DPH6: variants seen among roughly 807,000 people sequenced by gnomAD.
The protein encoded by DPH6 is diphthine--ammonia ligase.
In DPH6, 33 loss-of-function variants were observed where a neutral mutation model predicts 38.2. That is an observed-to-expected ratio of 0.86 (90% CI 0.65 to 1.15). The LOEUF (loss-of-function observed/expected upper bound fraction) is 1.15, where lower values mean the gene tolerates loss of function less well. DPH6 is among the 50% of genes most tolerant of loss of function. DPH6 has a pLI of 0.00. For missense variants in DPH6, 325 were observed against 320.0 expected, an observed-to-expected ratio of 1.02 and a Z score of -0.12; for synonymous variants, 108 against 103.0, an observed-to-expected ratio of 1.05 and a Z score of -0.30.
the DPH6 span, among the ~76,000 whole-genome samples, chr15:35,202,592 A>G: frequency 4.6e-5 from 7 of 151,820 alleles, no homozygotes; most frequent in Non-Finnish European, 3.0e-5. Context: ...CTTCCAAGAC[A>G]GTGTAAACGA....
At chr15:35,260,538 T>TCTAATAATATCTAATAATATTATC (rs2051739776) in intron 3 of DPH6, among the ~76,000 whole-genome samples, 2 of 151,152 alleles carry the variant, frequency 1.3e-5, no homozygotes, top group African/African-American at 4.8e-5. Context: ...TTTAATATTA[T>TCTAATAATATCTAATAATATTATC]TAGATAATAT....
At chr15:35,444,962 G>A (rs1310272203) in intron 5 of DPH6, among the ~76,000 whole-genome samples, 1 of 152,018 alleles carries the variant, frequency 6.6e-6, no homozygotes, top group African/African-American at 2.4e-5. Flanking sequence ...TTATTACTGT[G>A]GTACATTAGT....
At chr15:35,308,724 T>C (rs2052114752) in intron 3 of DPH6, among the ~76,000 whole-genome samples, 1 of 152,232 alleles carries the variant, frequency 6.6e-6, no homozygotes. Flanking sequence ...TTTTAGGTCT[T>C]AGTGCTTCTG....
chr15:35,542,719 T>TAC (rs1000144468), intron 1 of DPH6, among the ~76,000 whole-genome samples: 4 of 150,690 alleles, frequency 2.7e-5, no homozygotes, highest in African/African-American at 9.8e-5. Context: ...TAAGAAACTA[T>TAC]ATATATATAA....
At chr15:35,293,636 G>A (rs1303751128) in intron 3 of DPH6, among the ~76,000 whole-genome samples, 1 of 152,228 alleles carries the variant, frequency 6.6e-6, no homozygotes, top group Non-Finnish European at 1.5e-5. Flanking sequence ...ATGAAACTCA[G>A]TGATTGCTCA....
chr15:35,204,652 A>G, the DPH6 span, among the ~76,000 whole-genome samples: 6 of 151,908 alleles, frequency 3.9e-5, no homozygotes, highest in East Asian at 7.7e-4. Context: ...CTCTAGCAAA[A>G]TACAGTAAAA....
chr15:35,176,699 A>G, the DPH6 span, among the ~76,000 whole-genome samples: 1 of 152,136 alleles, frequency 6.6e-6, no homozygotes, highest in South Asian at 2.1e-4. Flanking sequence ...TCGAACTCCC[A>G]ACCTCAGGTG....
At chr15:35,542,645 T>G (rs2055270624) in intron 1 of DPH6, 138 bp from the exon 2 acceptor site, 7 of 816,680 alleles carry the variant, frequency 8.6e-6, no homozygotes, top group Non-Finnish European at 1.3e-5. Flanking sequence ...ACCCATTAAT[T>G]TCTAAATCAT....
At chr15:35,397,695 C>G (rs1392089363) in intron 6 of DPH6, among the ~76,000 whole-genome samples, 2 of 152,068 alleles carry the variant, frequency 1.3e-5, no homozygotes, top group Admixed American at 6.6e-5. Flanking sequence ...AATTAACAAG[C>G]AGTCAGATTC....
chr15:35,172,940 C>T, the DPH6 span, among the ~76,000 whole-genome samples: 3 of 152,140 alleles, frequency 2.0e-5, no homozygotes, highest in African/African-American at 7.2e-5. Flanking sequence ...TAGGTGTTAG[C>T]CACCATGTCC....
chr15:35,481,147 T>C (rs758047031), intron 3 of DPH6, among the ~76,000 whole-genome samples: 6 of 152,178 alleles, frequency 3.9e-5, no homozygotes, highest in Non-Finnish European at 8.8e-5. Context: ...GAGGAACTAA[T>C]TTTTAAATGT....
At chr15:35,270,059 A>G (rs974866316) in intron 3 of DPH6, among the ~76,000 whole-genome samples, 1 of 151,638 alleles carries the variant, frequency 6.6e-6, no homozygotes, top group Non-Finnish European at 1.5e-5. Flanking sequence ...TCGGCCTCCC[A>G]AAGTGCTGGG....
the DPH6 span, among the ~76,000 whole-genome samples, chr15:35,163,422 C>T: frequency 6.6e-6 from 1 of 151,818 alleles, no homozygotes; most frequent in South Asian, 2.1e-4. Flanking sequence ...TAATATGATG[C>T]CATCCCTGAA....
intron 3 of DPH6, among the ~76,000 whole-genome samples, chr15:35,511,815 C>T (rs2054777076): frequency 6.6e-6 from 1 of 151,958 alleles, no homozygotes. Flanking sequence ...AGAAAGGTAT[C>T]ATAATTCCAA....
At chr15:35,454,717 T>A (rs1025726489) in intron 4 of DPH6, 30 bp downstream of exon 4, 2 of 1,565,678 alleles carry the variant, frequency 1.3e-6, no homozygotes, top group Non-Finnish European at 1.7e-6. Context: ...CACATACACT[T>A]TTAAAACTAA....
At chr15:35,245,232 C>CTTTTT (rs71123123) in intron 3 of DPH6, among the ~76,000 whole-genome samples, 35 of 81,386 alleles carry the variant, frequency 4.3e-4, no homozygotes, top group East Asian at 1.5e-3. Flanking sequence ...ATTGTTCTTG[C>CTTTTT]TTTTTTTTTT....
chr15:35,507,463 C>T (rs1246699882), intron 3 of DPH6, among the ~76,000 whole-genome samples: 2 of 151,822 alleles, frequency 1.3e-5, no homozygotes, highest in Non-Finnish European at 2.9e-5. Context: ...ACTGTTGAAA[C>T]CTCGTATATT....
intron 3 of DPH6, among the ~76,000 whole-genome samples, chr15:35,253,565 T>G (rs1185162820): frequency 6.6e-6 from 1 of 152,160 alleles, no homozygotes; most frequent in Non-Finnish European, 1.5e-5. Context: ...GGGGAACAGA[T>G]TTGATCGACA....
intron 3 of DPH6, among the ~76,000 whole-genome samples, chr15:35,296,156 G>T (rs2052013318): frequency 6.6e-6 from 1 of 152,006 alleles, no homozygotes; most frequent in Non-Finnish European, 1.5e-5. Context: ...AGCCAGGATG[G>T]TCTCGATCCC....
Sources: gnomAD v4.1 joint callset for allele counts (sites outside exome capture counted in the v4.1 genomes callset) on GRCh38, gnomAD v4.1.1 for gene constraint, MANE v1.5 for transcripts, NCBI Gene and HGNC (gene_info 2026-07-23, HGNC 2026-07-21) for gene names.